M1AP: variants seen among roughly 807,000 people sequenced by gnomAD.
The protein encoded by M1AP is meiosis 1 arrest protein.
A neutral mutation model predicts 51.2 loss-of-function variants in M1AP; 39 were observed. That is an observed-to-expected ratio of 0.76 (90% CI 0.59 to 1.00). The LOEUF (loss-of-function observed/expected upper bound fraction) is 1.00. M1AP is among the 50% of genes least tolerant of loss of function. M1AP has a pLI of 0.00. For synonymous variants in M1AP, 251 were observed against 249.2 expected (o/e 1.01, Z -0.07); for missense variants, 545 against 641.2 (o/e 0.85, Z 1.62).
chr2:74,621,513 C>T (rs1236718993), intron 2 of M1AP, among the ~76,000 whole-genome samples: 1 of 151,830 alleles, frequency 6.6e-6, no homozygotes, highest in African/African-American at 2.4e-5. Context: ...TGGCCGGGCG[C>T]GGTGGCTCAC....
chr2:74,576,953 G>A, intron 5 of M1AP: 1 of 1,082,036 alleles, frequency 9.2e-7, no homozygotes, highest in Non-Finnish European at 1.1e-6. Flanking sequence ...TCCAGTCTGA[G>A]GAACATGTAT....
chr2:74,566,584 AG>A (rs1678397982), intron 7 of M1AP, among the ~76,000 whole-genome samples: 1 of 152,120 alleles, frequency 6.6e-6, no homozygotes, highest in Non-Finnish European at 1.5e-5. Flanking sequence ...AAACAGACAA[AG>A]CTAGGTCACA....
chr2:74,596,344 A>T (rs1680333318), intron 4 of M1AP, among the ~76,000 whole-genome samples: 1 of 152,202 alleles, frequency 6.6e-6, no homozygotes, highest in Non-Finnish European at 1.5e-5. Context: ...GCACTTTGGG[A>T]GGCTGAGGTG....
intron 1 of M1AP, among the ~76,000 whole-genome samples, chr2:74,642,997 C>T (rs1683376349): frequency 6.6e-6 from 1 of 152,182 alleles, no homozygotes; most frequent in Non-Finnish European, 1.5e-5. Flanking sequence ...GGATTATAGG[C>T]ATGAACCACT....
chr2:74,586,880 T>C (rs1679737189), intron 4 of M1AP, among the ~76,000 whole-genome samples: 1 of 151,934 alleles, frequency 6.6e-6, no homozygotes, highest in African/African-American at 2.4e-5. Context: ...TGCATGCCTG[T>C]AATCCCAGCT....
At chr2:74,637,637 T>C (rs1044291759) in intron 2 of M1AP, among the ~76,000 whole-genome samples, 2 of 152,218 alleles carry the variant, frequency 1.3e-5, no homozygotes, top group African/African-American at 4.8e-5. Flanking sequence ...TCTTGAGCAG[T>C]ACTAAGTCTT....
intron 4 of M1AP, among the ~76,000 whole-genome samples, chr2:74,599,745 T>C (rs1680565309): frequency 1.3e-5 from 2 of 152,064 alleles, no homozygotes. Context: ...TATTCTAGAA[T>C]ATATATTCTC....
intron 2 of M1AP, among the ~76,000 whole-genome samples, chr2:74,638,785 T>C (rs1355496472): frequency 1.3e-5 from 2 of 152,218 alleles, no homozygotes; most frequent in Non-Finnish European, 2.9e-5. Flanking sequence ...ACCCCAAGCC[T>C]GATCTACCTA....
At chr2:74,596,450 C>G (rs761980484) in intron 4 of M1AP, among the ~76,000 whole-genome samples, 1 of 152,004 alleles carries the variant, frequency 6.6e-6, no homozygotes, top group Admixed American at 6.6e-5. Flanking sequence ...GGCGTGGTGG[C>G]GGGCACCTGT....
chr2:74,592,783 A>G (rs1680121565), intron 4 of M1AP, among the ~76,000 whole-genome samples: 1 of 152,156 alleles, frequency 6.6e-6, no homozygotes, highest in African/African-American at 2.4e-5. Flanking sequence ...TAATATTATT[A>G]TTTACATTTG....
chr2:74,599,789 C>A (rs1332501124), intron 4 of M1AP, among the ~76,000 whole-genome samples: 2 of 151,702 alleles, frequency 1.3e-5, no homozygotes, highest in African/African-American at 4.8e-5. Context: ...CAGACACACA[C>A]ACACGAATCA....
chr2:74,639,620 G>A (rs1396234104), intron 2 of M1AP, among the ~76,000 whole-genome samples: 10 of 152,156 alleles, frequency 6.6e-5, no homozygotes, highest in Admixed American at 6.5e-4. Context: ...AAAGAAAACT[G>A]GTACCTGGGT....
chr2:74,628,589 A>C (rs1258789891), intron 2 of M1AP: 2 of 588,842 alleles, frequency 3.4e-6, no homozygotes, highest in Admixed American at 4.4e-5. Context: ...CTTCTGACAC[A>C]GTTTTATTAT....
intron 4 of M1AP, among the ~76,000 whole-genome samples, chr2:74,605,769 C>T (rs1306872818): frequency 2.0e-5 from 3 of 151,886 alleles, no homozygotes; most frequent in African/African-American, 4.8e-5. Context: ...GGCTTGGTGG[C>T]GGGTGCCTGT....
intron 4 of M1AP, among the ~76,000 whole-genome samples, chr2:74,602,249 T>C (rs1163876113): frequency 6.6e-6 from 1 of 152,186 alleles, no homozygotes; most frequent in African/African-American, 2.4e-5. Flanking sequence ...AAAACATTTA[T>C]TGAGAATCTA....
rs1481354648 is a variant in M1AP, at chr2:74,576,325, G to A, written c.932+131C>T. Reference sequence around the variant, plus strand: ...GTCTTTGCTTCCTCATGCCATAGCTGTAACTGCTACTTCGGAACTGACTCT... The same window carrying A: ...GTCTTTGCTTCCTCATGCCATAGCTATAACTGCTACTTCGGAACTGACTCT... On this transcript the variant is annotated intron_variant, in intron 6 of 10. Transcript: ENST00000421985. 3 of 963,470 alleles carry A rather than the reference G, an allele frequency of 3.1e-6. No individual in the cohort carries two copies. The South Asian group carries it at 5.0e-5, about 16-fold the overall frequency. 59.7% of individuals were successfully genotyped at this position (963,470 alleles called of 1,614,324 possible). A position where few individuals can be genotyped will look rare whatever the true frequency, so the allele number is the denominator to read the frequency against.
At chr2:74,559,276 A>T (rs184834955) in intron 10 of M1AP, among the ~76,000 whole-genome samples, 150 of 151,830 alleles carry the variant, frequency 9.9e-4, no homozygotes, top group African/African-American at 3.5e-3. Flanking sequence ...CCCCGACCTT[A>T]GCCTCCCAAG....
At chr2:74,648,017 C>T in intron 1 of M1AP, 1 of 985,556 alleles carries the variant, frequency 1.0e-6, no homozygotes. Context: ...CTGGGGGCCC[C>T]GCGGAGGAAG....
chr2:74,618,246 A>G (rs1681785051), intron 2 of M1AP, among the ~76,000 whole-genome samples: 1 of 152,194 alleles, frequency 6.6e-6, no homozygotes, highest in Non-Finnish European at 1.5e-5. Context: ...TGCTCTGCAG[A>G]GACCTCAGAT....
Sources: allele counts gnomAD v4.1 joint callset (sites outside exome capture counted in the v4.1 genomes callset), GRCh38; gene constraint gnomAD v4.1.1; transcripts MANE v1.5; gene names NCBI Gene and HGNC (gene_info 2026-07-23, HGNC 2026-07-21).